LMO1: variants seen among roughly 807,000 people sequenced by gnomAD.
LMO1 encodes the protein rhombotin-1.
A neutral mutation model predicts 18.0 loss-of-function variants in LMO1; 10 were observed. The observed-to-expected ratio is 0.55, with a 90% CI of 0.34 to 0.94. The LOEUF is 0.94. Among genes scored for constraint, LMO1 ranks in the 40% least tolerant of loss-of-function variants. The pLI, the probability that LMO1 is intolerant of heterozygous loss-of-function variation, is 0.02. For missense variants in LMO1, 183 were observed against 205.7 expected, an observed-to-expected ratio of 0.89 and a Z score of 0.68; for synonymous variants, 77 against 77.9, an observed-to-expected ratio of 0.99 and a Z score of 0.06.
At chr11:8,239,806 GA>G (rs1197981283) in intron 1 of LMO1, among the ~76,000 whole-genome samples, 2 of 152,220 alleles carry the variant, frequency 1.3e-5, no homozygotes, top group Non-Finnish European at 2.9e-5. Context: ...CCCACCACAG[GA>G]GGGAAGGCCT....
chr11:8,248,803 G>T (rs1388182136), intron 1 of LMO1, among the ~76,000 whole-genome samples: 1 of 152,212 alleles, frequency 6.6e-6, no homozygotes, highest in African/African-American at 2.4e-5. Context: ...TGGCTGGATA[G>T]GTCTAGACTT....
At chr11:8,259,738 C>T (rs1408474137) in intron 1 of LMO1, among the ~76,000 whole-genome samples, 1 of 152,128 alleles carries the variant, frequency 6.6e-6, no homozygotes, top group Non-Finnish European at 1.5e-5. Flanking sequence ...AGTGTCTATC[C>T]TAGGAAATCC....
chr11:8,263,393 G>C lies in LMO1; in HGVS notation c.-31C>G, dbSNP rs1344916684. On this transcript the variant is annotated 5_prime_UTR_variant, in exon 1 of 4. Transcript: ENST00000335790. ...GCGCTCCGTGTCCAGCCGCAGCTAGGCTCGGCCGGGAGAAGGGCGCCGACT... is the reference window on the plus strand; with the variant it reads ...GCGCTCCGTGTCCAGCCGCAGCTAGCCTCGGCCGGGAGAAGGGCGCCGACT... 2.5e-6 allele frequency: 4 copies of C among 1,598,454 alleles called. No homozygotes were observed. The African/African-American group carries it at 4.0e-5, about 16-fold the overall frequency.
rs1056963809 is a variant in LMO1, at chr11:8,236,320, C to T, written c.26-5816G>A. Among the ~76,000 whole-genome samples, 6 of 151,732 alleles carry T rather than the reference C, an allele frequency of 4.0e-5. 1 individual carries two copies. The Middle Eastern group carries it at 0.01, about 258-fold the overall frequency. On this transcript the variant is annotated intron_variant, in intron 1 of 3. Transcript: ENST00000335790. ...ATCCTCCTACCTCAGCCTCCTGCATCGGTGGGACCACAGGCACATACCACC... is the reference window on the plus strand; with the variant it reads ...ATCCTCCTACCTCAGCCTCCTGCATTGGTGGGACCACAGGCACATACCACC...
intron 1 of LMO1, among the ~76,000 whole-genome samples, chr11:8,248,846 C>A (rs1846939699): frequency 6.6e-6 from 1 of 152,178 alleles, no homozygotes; most frequent in African/African-American, 2.4e-5. Flanking sequence ...CTCCTACCTG[C>A]CTCAGGCCCA....
Position 8,263,464 on chromosome 11 carries a change from G to T in LMO1, c.-102C>A. On this transcript the variant is annotated 5_prime_UTR_variant, in exon 1 of 4. Transcript: ENST00000335790. ...CGGCCGGTCTTCGGGCAGCTAGCGG[G>T]CTCTAATTACCCGCTTGTCCGGCTC... is the stretch of plus-strand genomic sequence containing the variant. The T allele has an allele frequency of 6.5e-7, 1 of 1,548,228 alleles. No individual in the cohort carries two copies. The highest frequency in any genetic ancestry group is 8.7e-7 in the Non-Finnish European group (1 of 1,155,584).
chr11:8,259,199 G>T (rs188398807), intron 1 of LMO1, among the ~76,000 whole-genome samples: 1 of 152,188 alleles, frequency 6.6e-6, no homozygotes, highest in Non-Finnish European at 1.5e-5. Context: ...GATTCCGGAC[G>T]ACAGACCAAT....
At chr11:8,240,767 T>G (rs1389306110) in intron 1 of LMO1, among the ~76,000 whole-genome samples, 4 of 152,028 alleles carry the variant, frequency 2.6e-5, no homozygotes, top group African/African-American at 9.7e-5. Flanking sequence ...ACATTGGGTG[T>G]TGGGATTTCA....
intron 1 of LMO1, among the ~76,000 whole-genome samples, chr11:8,241,601 C>CCTGCCT (rs1053001953): frequency 6.6e-6 from 1 of 152,226 alleles, no homozygotes; most frequent in Non-Finnish European, 1.5e-5. Context: ...AACACCCTTC[C>CCTGCCT]CTGCCTCTGC....
At chr11:8,241,959 T>G (rs1846802757) in intron 1 of LMO1, among the ~76,000 whole-genome samples, 1 of 152,206 alleles carries the variant, frequency 6.6e-6, no homozygotes, top group African/African-American at 2.4e-5. Flanking sequence ...ATGAAGAGAC[T>G]GAATGGAATC....
chr11:8,247,825 A>G (rs1191382336), intron 1 of LMO1, among the ~76,000 whole-genome samples: 1 of 152,118 alleles, frequency 6.6e-6, no homozygotes, highest in Non-Finnish European at 1.5e-5. Context: ...TTCTCCCCCA[A>G]AGTTCTATGA....
chr11:8,240,262 G>GTTC (rs1210513211), intron 1 of LMO1, among the ~76,000 whole-genome samples: 8 of 152,206 alleles, frequency 5.3e-5, no homozygotes, highest in African/African-American at 1.9e-4. Context: ...AGTACAAAGC[G>GTTC]GGAAGCTTCA....
At chr11:8,261,847 C>T (rs768367994) in intron 1 of LMO1, among the ~76,000 whole-genome samples, 55 of 152,196 alleles carry the variant, frequency 3.6e-4, no homozygotes, top group Admixed American at 2.9e-3. Flanking sequence ...GGAAGGGGTC[C>T]GTGAATAGAG....
chr11:8,251,875 G>GTA (rs10678711), intron 1 of LMO1, among the ~76,000 whole-genome samples: 132,151 of 145,986 alleles, frequency 0.91, 59,843 homozygotes, highest in Middle Eastern at 0.95. Context: ...GTGTGTGAGT[G>GTA]TGTGTGTGTA....
Position 8,263,451 on chromosome 11 carries a change from G to C in LMO1, c.-89C>G, listed in dbSNP as rs376960083. ...CGCTTTGGAGGGGCGGCCGGTCTTC[G>C]GGCAGCTAGCGGGCTCTAATTACCC... On this transcript the variant is annotated 5_prime_UTR_variant, in exon 1 of 4. Transcript: ENST00000335790. The C allele has an allele frequency of 1.7e-4, 263 of 1,561,090 alleles. No individual in the cohort carries two copies. The highest frequency in any genetic ancestry group is 7.1e-4 in the Admixed American group (39 of 54,952).
At chr11:8,241,150 T>G (rs1445599621) in intron 1 of LMO1, among the ~76,000 whole-genome samples, 3 of 152,130 alleles carry the variant, frequency 2.0e-5, no homozygotes, top group Non-Finnish European at 4.4e-5. Flanking sequence ...ACCTGGCCCC[T>G]GTACCCTCAC....
chr11:8,268,346 G>T, upstream of LMO1: 1 of 1,245,652 alleles, frequency 8.0e-7, no homozygotes, highest in Non-Finnish European at 1.1e-6. Context: ...TAGCGGGGTG[G>T]ACTCCGCAGG....
intron 1 of LMO1, among the ~76,000 whole-genome samples, chr11:8,231,912 A>C (rs79211804): frequency 0.024 from 3,660 of 152,278 alleles, 153 homozygotes; most frequent in African/African-American, 0.084. Context: ...CCTTGGTCTC[A>C]GAATCCACAG....
intron 2 of LMO1, among the ~76,000 whole-genome samples, chr11:8,230,058 T>C (rs931712508): frequency 2.0e-5 from 3 of 152,168 alleles, no homozygotes; most frequent in Non-Finnish European, 4.4e-5. Flanking sequence ...AGGTTACAAA[T>C]GCCTGCCCTG....
Sources: gnomAD v4.1 joint callset for allele counts (sites outside exome capture counted in the v4.1 genomes callset) on GRCh38, gnomAD v4.1.1 for gene constraint, MANE v1.5 for transcripts, NCBI Gene and HGNC (gene_info 2026-07-23, HGNC 2026-07-21) for gene names.